Variants in DMD observed in about 807,000 individuals in gnomAD.
DMD encodes the protein dystrophin.
A neutral mutation model predicts 330.1 loss-of-function variants in DMD; 63 were observed. The ratio of observed to expected loss-of-function variants is 0.19; its 90% CI spans 0.16 to 0.24. The LOEUF (loss-of-function observed/expected upper bound fraction) is 0.24. Ranked by LOEUF, DMD falls within the 10% of genes least tolerant of loss-of-function variation. DMD has a pLI of 1.00. For synonymous variants in DMD, 1,223 were observed against 959.8 expected, an observed-to-expected ratio of 1.27 and a Z score of -5.07; for missense variants, 3,344 against 2,684.1, an observed-to-expected ratio of 1.25 and a Z score of -5.43.
chrX:31,372,622 A>G (rs1163873980), intron 60 of DMD, among the ~76,000 whole-genome samples: 1 of 111,552 alleles, frequency 9.0e-6, no homozygotes, highest in African/African-American at 3.3e-5. Flanking sequence ...AAATTCAACA[A>G]CCCTTCATGC....
At chrX:32,244,881 G>T (rs2097226707) in intron 43 of DMD, among the ~76,000 whole-genome samples, 2 of 71,287 alleles carry the variant, frequency 2.8e-5, no homozygotes, top group East Asian at 6.9e-4. Context: ...AGATGAGTAG[G>T]TTGCGAAAAT....
At chrX:31,351,161 C>T (rs189893533) in intron 60 of DMD, among the ~76,000 whole-genome samples, 5 of 104,664 alleles carry the variant, frequency 4.8e-5, no homozygotes, top group Non-Finnish European at 5.8e-5. Context: ...TACATATATA[C>T]ACACACACAC....
At chrX:32,876,183 CCT>C (rs1429587638) in intron 2 of DMD, among the ~76,000 whole-genome samples, 2 of 111,664 alleles carry the variant, frequency 1.8e-5, no homozygotes, top group Non-Finnish European at 3.8e-5. Flanking sequence ...ATACCACCAT[CCT>C]CTCAATTTTT....
At chrX:32,723,270 G>C (rs1188864718) in intron 7 of DMD, among the ~76,000 whole-genome samples, 1 of 110,780 alleles carries the variant, frequency 9.0e-6, no homozygotes, top group East Asian at 2.8e-4. Context: ...TGTGTCCTAG[G>C]GCTAAACCCA....
At chrX:33,302,278 T>C (rs2053677185) in intron 1 of DMD, among the ~76,000 whole-genome samples, 1 of 110,926 alleles carries the variant, frequency 9.0e-6, no homozygotes, top group East Asian at 2.9e-4. Flanking sequence ...AGAAGACAAA[T>C]TGCTGGGTCA....
At chrX:32,326,414 T>TA (rs1337570849) in intron 41 of DMD, among the ~76,000 whole-genome samples, 3 of 112,490 alleles carry the variant, frequency 2.7e-5, no homozygotes, top group African/African-American at 9.7e-5. Context: ...TTAATAGATG[T>TA]AAATAGCAAA....
chrX:32,598,723 T>C (rs751176464), intron 12 of DMD, among the ~76,000 whole-genome samples: 64 of 112,235 alleles, frequency 5.7e-4, no homozygotes, highest in African/African-American at 1.9e-3. Context: ...TTGTTCTGAT[T>C]TTGTTTCGTT....
chrX:32,529,064 G>A (rs1254489657), intron 17 of DMD, among the ~76,000 whole-genome samples: 9 of 106,768 alleles, frequency 8.4e-5, no homozygotes, highest in Non-Finnish European at 1.2e-4. Flanking sequence ...TGGGACTACA[G>A]GCGCCTGCCG....
intron 7 of DMD, among the ~76,000 whole-genome samples, chrX:32,808,039 G>A (rs968703071): frequency 9.0e-6 from 1 of 111,602 alleles, no homozygotes; most frequent in Non-Finnish European, 1.9e-5. Flanking sequence ...CATTATGTCT[G>A]CCCTTTCTAC....
intron 52 of DMD, among the ~76,000 whole-genome samples, chrX:31,682,400 C>T (rs1049015446): frequency 1.3e-4 from 15 of 111,607 alleles, no homozygotes; most frequent in African/African-American, 4.6e-4. Flanking sequence ...TGTTGTTCCA[C>T]TAGGTAGTGG....
At position 31,575,574 on chromosome X, in the gene DMD, T is replaced by C. The variant is rs181181002; in HGVS notation, c.8217+52099A>G. Among the ~76,000 whole-genome samples, 8 of 111,966 alleles carry C rather than the reference T, an allele frequency of 7.1e-5. No homozygotes were observed. The East Asian group carries it at 2.2e-3, about 31-fold the overall frequency. On this transcript the variant is annotated intron_variant, in intron 55 of 78. Transcript: ENST00000357033. ...TGAGTACATATTTTAGAGTTTTCCT[T>C]TGGTACTGTACCATATAATATGGAA...
At position 32,440,408 on chromosome X, in the gene DMD, C is replaced by T. The variant is rs760766393; in HGVS notation, c.3921+772G>A. Among the ~76,000 whole-genome samples the T allele has an allele frequency of 2.3e-4, 26 of 111,430 alleles. No individual in the cohort carries two copies. In the East Asian group the frequency reaches 6.5e-3, roughly 28 times the overall value. ...CTCTGATGTTCTAGGATTACAAATTCTATTCTGTCTAAAGAAATACCTTAC... is the reference window on the plus strand; with the variant it reads ...CTCTGATGTTCTAGGATTACAAATTTTATTCTGTCTAAAGAAATACCTTAC... On this transcript the variant is annotated intron_variant, in intron 28 of 78. Coordinates refer to ENST00000357033, the MANE Select transcript of DMD (RefSeq NM_004006.3).
chrX:31,222,392 C>CAAAAAAAAAAAAAAAAAAAAAAAAAAA (rs57227723), intron 64 of DMD, among the ~76,000 whole-genome samples: 1 of 20,624 alleles, frequency 4.8e-5, no homozygotes, highest in Non-Finnish European at 8.7e-5. Context: ...GACTCCATCT[C>CAAAAAAAAAAAAAAAAAAAAAAAAAAA]AAAAAAAAAA....
chrX:32,168,304 C>A (rs2096875356), intron 44 of DMD, among the ~76,000 whole-genome samples: 1 of 111,149 alleles, frequency 9.0e-6, no homozygotes, highest in African/African-American at 3.3e-5. Flanking sequence ...GACTAACATA[C>A]AATTTTGATC....
At chrX:32,954,463 G>C (rs925227910) in intron 2 of DMD, among the ~76,000 whole-genome samples, 4 of 111,825 alleles carry the variant, frequency 3.6e-5, no homozygotes, top group African/African-American at 1.3e-4. Flanking sequence ...ACCCACTAAG[G>C]CTCCAGTGAG....
chrX:32,162,873 T>G (rs1040699386), intron 44 of DMD, among the ~76,000 whole-genome samples: 3 of 109,683 alleles, frequency 2.7e-5, no homozygotes, highest in Non-Finnish European at 5.7e-5. Flanking sequence ...CAACAAGCAT[T>G]TTTATGAAGA....
intron 43 of DMD, among the ~76,000 whole-genome samples, chrX:32,259,784 CTT>C (rs1453681820): frequency 9.0e-6 from 1 of 111,549 alleles, no homozygotes; most frequent in African/African-American, 3.3e-5. Flanking sequence ...TAAATTAGGA[CTT>C]TTGATCACCG....
rs1224110696 is a variant in DMD at position 31,735,351 on chromosome X, T to G, written c.7543-5603A>C. ...ATTGTCCCATTTTATCCTGTCTGGGTACATATAACCTCAGGCCCTGACTAA... is the reference window on the plus strand; with the variant it reads ...ATTGTCCCATTTTATCCTGTCTGGGGACATATAACCTCAGGCCCTGACTAA... On this transcript the variant is annotated intron_variant, in intron 51 of 78. Transcript: ENST00000357033. Among the ~76,000 whole-genome samples the G allele has an allele frequency of 4.5e-5, 5 of 111,499 alleles. No homozygotes were observed. In the East Asian group the frequency reaches 1.4e-3, roughly 32 times the overall value.
At chrX:32,626,366 G>T (rs2058346650) in intron 11 of DMD, among the ~76,000 whole-genome samples, 1 of 96,030 alleles carries the variant, frequency 1.0e-5, no homozygotes, top group East Asian at 2.8e-4. Flanking sequence ...TACTCAGGAG[G>T]CTGAGGCAGG....
Sources: gnomAD v4.1 joint callset for allele counts (sites outside exome capture counted in the v4.1 genomes callset) on GRCh38, gnomAD v4.1.1 for gene constraint, MANE v1.5 for transcripts, NCBI Gene and HGNC (gene_info 2026-07-23, HGNC 2026-07-21) for gene names.